TENM3: variants seen among roughly 807,000 people sequenced by gnomAD.
TENM3 encodes teneurin transmembrane protein 3.
TENM3 carries 63 observed loss-of-function variants against 255.1 expected under a neutral mutation model. The observed-to-expected ratio is 0.25, with a 90% CI of 0.20 to 0.30. The LOEUF is 0.30. TENM3 is among the 10% of genes least tolerant of loss of function. The pLI is 1.00. For synonymous variants in TENM3, 1,306 were observed against 1,322.3 expected, an observed-to-expected ratio of 0.99 and a Z score of 0.27; for missense variants, 2,929 against 3,461.1, an observed-to-expected ratio of 0.85 and a Z score of 3.86.
chr4:182,317,466 T>TG lies in TENM3; in HGVS notation c.-75-6480_-75-6479insG, dbSNP rs554632918. 2.5e-3 allele frequency among the ~76,000 whole-genome samples: 383 copies of TG among 151,974 alleles called. 2 individuals are homozygous for TG. The highest frequency in any genetic ancestry group is 8.9e-3 in the African/African-American group (371 of 41,462). On this transcript the variant is annotated intron_variant, in intron 1 of 27. Coordinates refer to ENST00000511685, the MANE Select transcript of TENM3 (RefSeq NM_001080477.4). ...AGGCATGTGCCACTGTGCCTGTTTTTTTTTGTTTTGTTGTTGTTTGGTTTG... is the reference window on the plus strand; with the variant it reads ...AGGCATGTGCCACTGTGCCTGTTTTTGTTTTGTTTTGTTGTTGTTTGGTTTG...
intron 3 of TENM3, among the ~76,000 whole-genome samples, chr4:182,488,261 G>T (rs528426764): frequency 6.6e-6 from 1 of 152,234 alleles, no homozygotes; most frequent in Non-Finnish European, 1.5e-5. Context: ...GAAGCAATTA[G>T]CATAGTGGCT....
At chr4:181,992,895 T>A in the TENM3 span, among the ~76,000 whole-genome samples, 1 of 152,164 alleles carries the variant, frequency 6.6e-6, no homozygotes, top group Non-Finnish European at 1.5e-5. Context: ...TAAAATATAG[T>A]TTAAGTGGCT....
At chr4:182,277,498 A>T (rs1760084560) in intron 1 of TENM3, among the ~76,000 whole-genome samples, 1 of 152,210 alleles carries the variant, frequency 6.6e-6, no homozygotes, top group Non-Finnish European at 1.5e-5. Flanking sequence ...TCAAAGGTAG[A>T]TGGAATAATA....
intron 4 of TENM3, among the ~76,000 whole-genome samples, chr4:182,620,447 A>G (rs1040422810): frequency 6.6e-6 from 1 of 152,310 alleles, no homozygotes; most frequent in African/African-American, 2.4e-5. Context: ...CTGAACCCCA[A>G]AACTAACAGA....
At chr4:181,899,018 T>C in the TENM3 span, among the ~76,000 whole-genome samples, 1 of 152,180 alleles carries the variant, frequency 6.6e-6, no homozygotes, top group South Asian at 2.1e-4. Context: ...AATTTTACAT[T>C]ACCATATTAT....
At chr4:182,082,657 A>G in the TENM3 span, among the ~76,000 whole-genome samples, 9 of 152,160 alleles carry the variant, frequency 5.9e-5, no homozygotes, top group Non-Finnish European at 1.0e-4. Context: ...CTACCTTCCT[A>G]TTGTAATACA....
chr4:182,184,623 A>C (rs775572354), intron 1 of TENM3, among the ~76,000 whole-genome samples: 53 of 152,072 alleles, frequency 3.5e-4, no homozygotes, highest in Non-Finnish European at 6.0e-4. Context: ...TAGCCAGCCT[A>C]CTGCTATGAT....
chr4:182,557,156 A>G lies in TENM3; in HGVS notation c.512-43768A>G, dbSNP rs182405172. Among the ~76,000 whole-genome samples, 999 of 152,340 alleles carry G rather than the reference A, an allele frequency of 6.6e-3. 6 individuals are homozygous for G. The highest frequency in any genetic ancestry group is 0.011 in the Non-Finnish European group (781 of 68,032). On this transcript the variant is annotated intron_variant, in intron 3 of 27. Transcript: ENST00000511685. ...AAATCTCATGTAAAATCAAAATTAAATGACTTTTTCTATTCAACATTGTAT... is the reference window on the plus strand; with the variant it reads ...AAATCTCATGTAAAATCAAAATTAAGTGACTTTTTCTATTCAACATTGTAT...
chr4:182,089,823 C>G, the TENM3 span, among the ~76,000 whole-genome samples: 1 of 152,010 alleles, frequency 6.6e-6, no homozygotes, highest in African/African-American at 2.4e-5. Flanking sequence ...TTATTAGTGT[C>G]CATTACTAAT....
chr4:181,509,803 A>G, the TENM3 span, among the ~76,000 whole-genome samples: 7 of 152,248 alleles, frequency 4.6e-5, no homozygotes, highest in South Asian at 4.1e-4. Context: ...AGTTCATTCA[A>G]TGGCACATGT....
chr4:181,777,262 G>T, the TENM3 span, among the ~76,000 whole-genome samples: 4 of 151,938 alleles, frequency 2.6e-5, no homozygotes, highest in African/African-American at 4.8e-5. Context: ...CTGTTCCATT[G>T]GTCTATGTGT....
At chr4:182,445,190 A>T (rs1561453702) in intron 3 of TENM3, among the ~76,000 whole-genome samples, 1 of 152,130 alleles carries the variant, frequency 6.6e-6, no homozygotes, top group Non-Finnish European at 1.5e-5. Context: ...AGTCCATCAA[A>T]CCTGGAACTG....
At chr4:181,809,535 A>G in the TENM3 span, among the ~76,000 whole-genome samples, 1 of 152,118 alleles carries the variant, frequency 6.6e-6, no homozygotes, top group Non-Finnish European at 1.5e-5. Context: ...ATTCAACTTC[A>G]TTATCCACCA....
intron 24 of TENM3, among the ~76,000 whole-genome samples, chr4:182,781,627 T>C (rs1317713040): frequency 6.6e-6 from 1 of 151,356 alleles, no homozygotes; most frequent in Non-Finnish European, 1.5e-5. Context: ...TCAGAAGGAA[T>C]GGTACCAGTT....
intron 2 of TENM3, among the ~76,000 whole-genome samples, chr4:182,331,273 C>T (rs1763737800): frequency 6.6e-6 from 1 of 152,110 alleles, no homozygotes; most frequent in Admixed American, 6.5e-5. Context: ...TGGCCGGGTG[C>T]GGTGGCTTAC....
chr4:182,708,280 G>A (rs776029017), intron 12 of TENM3, among the ~76,000 whole-genome samples: 4 of 152,122 alleles, frequency 2.6e-5, no homozygotes, highest in African/African-American at 4.8e-5. Flanking sequence ...AAAGTGCTTC[G>A]TGTGTGTCCC....
the TENM3 span, among the ~76,000 whole-genome samples, chr4:181,582,250 G>T: frequency 2.6e-5 from 4 of 152,064 alleles, no homozygotes; most frequent in Admixed American, 2.6e-4. Flanking sequence ...CACATTCACA[G>T]CTGTTGTGCA....
chr4:182,007,699 A>C, the TENM3 span, among the ~76,000 whole-genome samples: 1 of 152,164 alleles, frequency 6.6e-6, no homozygotes, highest in East Asian at 1.9e-4. Flanking sequence ...TGTGTCTTTT[A>C]ATTGGGGCAT....
the TENM3 span, among the ~76,000 whole-genome samples, chr4:182,116,645 C>T: frequency 1.3e-5 from 2 of 152,212 alleles, no homozygotes; most frequent in Non-Finnish European, 2.9e-5. Context: ...AATTAAGCCT[C>T]TTTCCTTTGT....
Sources: gnomAD v4.1 joint callset for allele counts (sites outside exome capture counted in the v4.1 genomes callset) on GRCh38, gnomAD v4.1.1 for gene constraint, MANE v1.5 for transcripts, NCBI Gene and HGNC (gene_info 2026-07-23, HGNC 2026-07-21) for gene names.